PARP9: variants seen among roughly 807,000 people sequenced by gnomAD.
The protein encoded by PARP9 is poly(ADP-ribose) polymerase family member 9, also known as protein mono-ADP-ribosyltransferase PARP9.
A neutral mutation model predicts 68.8 loss-of-function variants in PARP9; 48 were observed. The observed-to-expected ratio is 0.70, with a 90% CI of 0.55 to 0.89. PARP9 has a LOEUF of 0.89. Among genes scored for constraint, PARP9 ranks in the 40% least tolerant of loss-of-function variants. The pLI, the probability that PARP9 is intolerant of heterozygous loss-of-function variation, is 0.00. For missense variants in PARP9, 806 were observed against 969.3 expected (o/e 0.83, Z 2.24); for synonymous variants, 309 against 333.8 (o/e 0.93, Z 0.81).
chr3:122,540,361 A>C, intron 8 of PARP9, 111 bp downstream of exon 8: 1 of 1,321,828 alleles, frequency 7.6e-7, no homozygotes, highest in Non-Finnish European at 1.0e-6. Flanking sequence ...AGAATGTTTG[A>C]TCCCTCCTCT....
intron 7 of PARP9, 56 bp downstream of exon 7, chr3:122,545,376 T>C (rs367873626): frequency 4.5e-6 from 7 of 1,542,622 alleles, no homozygotes; most frequent in South Asian, 1.1e-5. Context: ...TGATCAAGAA[T>C]AGAATGAGCC....
rs1007675306 is a variant in PARP9 at position 122,533,993 on chromosome 3, A to G, written c.2080+2175T>C. On this transcript the variant is annotated intron_variant, in intron 10 of 10. Coordinates refer to ENST00000682323, the MANE Select transcript of PARP9 (RefSeq NM_001146105.2). ...GGCTTGTCTGGCACCTTCTGTTAAGAGTTCTCTCTAGCCTACAGAGATGAG... is the reference window on the plus strand; with the variant it reads ...GGCTTGTCTGGCACCTTCTGTTAAGGGTTCTCTCTAGCCTACAGAGATGAG... 3.0e-5 allele frequency: 30 copies of G among 985,336 alleles called. 1 individual carries two copies. The highest frequency in any genetic ancestry group is 1.6e-4 in the African/African-American group (9 of 57,236). The allele number at this position is 985,336 out of a possible 1,614,324, so 61.0% of individuals were successfully genotyped here.
Position 122,550,792 on chromosome 3 carries a change from T to G in PARP9, c.1118A>C (p.His373Pro). ...SEFPKPQILKHAMKECLEKCI... is the reference protein window; with the variant it reads ...SEFPKPQILKPAMKECLEKCI... ...TTTTTCCAAACACTCCTTCATTGCA[T>G]GTTTTAATATCTGCAGGAAAACACA... Residue 373 changes from histidine to proline, a missense_variant, in exon 6 of 11, where the codon CAT becomes CCT. His to Pro is a moderately conservative substitution (Grantham distance 77). Coordinates refer to ENST00000682323, the MANE Select transcript of PARP9 (RefSeq NM_001146105.2). The G allele has an allele frequency of 1.9e-6, 3 of 1,613,314 alleles. No individual in the cohort carries two copies. The highest frequency in any genetic ancestry group is 2.5e-6 in the Non-Finnish European group (3 of 1,179,502).
At position 122,558,434 on chromosome 3, in the gene PARP9, C is replaced by G; in HGVS notation, c.49G>C (p.Glu17Gln). The change falls in exon 3 of 11, where the codon GAG becomes CAG. Residue 17 changes from glutamate to glutamine, a missense_variant and splice_region_variant. Glu to Gln is a conservative substitution (Grantham distance 29). Transcript: ENST00000682323. ...AAGAGTGAGAGCGAGGTAATCCTACCTGATTTTTCATTGTAAGCTGCTGCT... is the reference window on the plus strand; with the variant it reads ...AAGAGTGAGAGCGAGGTAATCCTACGTGATTTTTCATTGTAAGCTGCTGCT... ...AGAAAYNEKS[E>Q]TGALGENYSW... is the part of the protein sequence containing the mutation. 6.2e-7 allele frequency: 1 copy of G among 1,614,076 alleles called. No individual in the cohort carries two copies. Among genetic ancestry groups the G allele is most frequent in the Non-Finnish European group, 8.5e-7 (1 of 1,179,978 alleles).
At position 122,556,141 on chromosome 3, in the gene PARP9, TAAAAAAAAAAAAAAAAAAAAA is replaced by T. The variant is rs745677021; in HGVS notation, c.50-41_50-21del. On this transcript the variant is annotated intron_variant, in intron 3 of 10. Coordinates refer to ENST00000682323, the MANE Select transcript of PARP9 (RefSeq NM_001146105.2). ...CAGTCTCTGGAAAAGAAGAGAAGAT[TAAAAAAAAAAAAAAAAAAAAA>T]AAAAAAAAAAAGCACAGTTTGAAAG... The T allele has an allele frequency of 1.2e-4, 25 of 210,224 alleles. No individual in the cohort carries two copies. The highest frequency in any genetic ancestry group is 1.6e-4 in the Non-Finnish European group (21 of 129,900). 13.0% of individuals were successfully genotyped at this position (210,224 alleles called of 1,614,324 possible). A position where few individuals can be genotyped will look rare whatever the true frequency, so the allele number is the denominator to read the frequency against.
chr3:122,556,710 G>A (rs9860281), intron 3 of PARP9, among the ~76,000 whole-genome samples: 3,071 of 152,032 alleles, frequency 0.02, 108 homozygotes, highest in African/African-American at 0.07. Flanking sequence ...AACAAAGCAC[G>A]TGTAACTAGG....
intron 7 of PARP9, among the ~76,000 whole-genome samples, chr3:122,545,213 A>G (rs2078605445): frequency 6.6e-6 from 1 of 152,246 alleles, no homozygotes; most frequent in Non-Finnish European, 1.5e-5. Flanking sequence ...TGGATTATCC[A>G]CTGCAACTCA....
chr3:122,540,554 C>G lies in PARP9; in HGVS notation c.1683G>C (p.Val561=), dbSNP rs138697785. Residue 561 remains valine (V), a synonymous_variant, in exon 8 of 11, where the codon GTG becomes GTC. Transcript: ENST00000682323. ...IEGARADLIE[V]VMNIEDMLCK... is the part of the protein sequence containing the mutation. ...AAAGCATATCTTCAATGTTCATAAC[C>G]ACCTCAATGAGGTCAGCCCGGGCTC... 1.0e-3 allele frequency: 1,615 copies of G among 1,614,162 alleles called. No individual in the cohort carries two copies. Among genetic ancestry groups the G allele is most frequent in the Non-Finnish European group, 1.3e-3 (1,495 of 1,180,026 alleles).
At chr3:122,531,536 T>A (rs1019933569) in intron 10 of PARP9, among the ~76,000 whole-genome samples, 1 of 152,154 alleles carries the variant, frequency 6.6e-6, no homozygotes, top group African/African-American at 2.4e-5. Flanking sequence ...GGCGGGTGGA[T>A]CACGAGGTCA....
intron 6 of PARP9, among the ~76,000 whole-genome samples, chr3:122,549,172 G>A (rs1342743702): frequency 1.3e-5 from 2 of 151,886 alleles, no homozygotes; most frequent in African/African-American, 2.4e-5. Context: ...GTGCCACCAC[G>A]CCTGGCTAAT....
chr3:122,564,668 T>C (rs1200170306), upstream of PARP9: 1 of 1,547,536 alleles, frequency 6.5e-7, no homozygotes, highest in Non-Finnish European at 8.7e-7. Flanking sequence ...GCCCCCGGGT[T>C]TCCAGGCGGA....
Position 122,545,565 on chromosome 3 carries a change from C to T in PARP9, c.1327-76G>A, listed in dbSNP as rs1402211145. The T allele has an allele frequency of 1.9e-5, 26 of 1,363,366 alleles. No individual in the cohort carries two copies. In the Admixed American group the frequency reaches 3.9e-4, roughly 20 times the overall value. The allele number at this position is 1,363,366 out of a possible 1,614,324, so 84.5% of individuals were successfully genotyped here. A position where few individuals can be genotyped will look rare whatever the true frequency, so the allele number is the denominator to read the frequency against. On this transcript the variant is annotated intron_variant, in intron 6 of 10. Coordinates refer to ENST00000682323, the MANE Select transcript of PARP9 (RefSeq NM_001146105.2). ...TGTCATCAAAGTCTCCCTCTCTGCA[C>T]ACACAGCACTTGACTTCATCCACTC... is the stretch of plus-strand genomic sequence containing the variant.
Position 122,535,965 on chromosome 3 carries a change from A to C in PARP9, c.2080+203T>G, listed in dbSNP as rs1271864630. ...ACTTTTCATCAATGTAAAATGCATC[A>C]GCAACAAAAGATACGAAGGAAAAGT... On this transcript the variant is annotated intron_variant, in intron 10 of 10. Coordinates refer to ENST00000682323, the MANE Select transcript of PARP9 (RefSeq NM_001146105.2). 3.4e-6 allele frequency: 5 copies of C among 1,455,024 alleles called. No individual in the cohort carries two copies. The East Asian group carries it at 1.2e-4, about 36-fold the overall frequency. The allele number at this position is 1,455,024 out of a possible 1,614,324, so 90.1% of individuals were successfully genotyped here. A position where few individuals can be genotyped will look rare whatever the true frequency, so the allele number is the denominator to read the frequency against.
chr3:122,538,219 A>G (rs2077801563), intron 8 of PARP9, among the ~76,000 whole-genome samples: 1 of 149,618 alleles, frequency 6.7e-6, no homozygotes, highest in Non-Finnish European at 1.5e-5. Flanking sequence ...AAGGTGTAAT[A>G]TTAGAGTTCA....
intron 6 of PARP9, among the ~76,000 whole-genome samples, chr3:122,547,891 G>T (rs1190099219): frequency 1.3e-5 from 2 of 152,106 alleles, no homozygotes; most frequent in Admixed American, 6.6e-5. Context: ...GTTCAGGGAG[G>T]TGATCAGGGC....
chr3:122,529,923 G>A (rs2077190620), intron 10 of PARP9, among the ~76,000 whole-genome samples: 1 of 151,970 alleles, frequency 6.6e-6, no homozygotes, highest in Admixed American at 6.6e-5. Flanking sequence ...GGGCCCGGTG[G>A]TACACACCTG....
chr3:122,550,912 T>A, intron 5 of PARP9, 110 bp from the exon 6 acceptor site: 1 of 949,266 alleles, frequency 1.1e-6, no homozygotes, highest in Non-Finnish European at 1.6e-6. Flanking sequence ...TCCCTCAGGG[T>A]TCGTGTCCCT....
intron 4 of PARP9, among the ~76,000 whole-genome samples, chr3:122,553,457 ATTTGC>A (rs1341024383): frequency 6.6e-6 from 1 of 152,170 alleles, no homozygotes; most frequent in East Asian, 1.9e-4. Flanking sequence ...CACAATTAGA[ATTTGC>A]AATTTGGGGG....
At position 122,540,478 on chromosome 3, in the gene PARP9, A is replaced by T. The variant is rs141979601; in HGVS notation, c.1759T>A (p.Ser587Thr). 6.2e-7 allele frequency: 1 copy of T among 1,612,200 alleles called. No homozygotes were observed. Among genetic ancestry groups the T allele is most frequent in the African/African-American group, 1.3e-5 (1 of 74,802 alleles). Residue 587 changes from serine (S) to threonine (T), a missense_variant, in exon 8 of 11, where the codon TCG (serine) becomes ACG (threonine). Ser to Thr is a moderately conservative substitution (Grantham distance 58, BLOSUM62 1). This residue lies in a region of PARP9 where 680 missense variants were observed against 858.8 expected (regional missense o/e 0.79). Coordinates refer to ENST00000682323, the MANE Select transcript of PARP9 (RefSeq NM_001146105.2). ...TTGATAGAAAGTTACTCACCTAACG[A>T]GCGCCAAAGGCCTCGCTCCTTTTTC... ...ARKKERGLWRSLGQWTIQQQK... is the reference protein window; with the variant it reads ...ARKKERGLWRTLGQWTIQQQK...
Sources: allele counts gnomAD v4.1 joint callset (sites outside exome capture counted in the v4.1 genomes callset), GRCh38; gene constraint gnomAD v4.1.1; regional missense constraint gnomAD v4.1.1; transcripts MANE v1.5; gene names NCBI Gene and HGNC (gene_info 2026-07-23, HGNC 2026-07-21).